Variants in SLAIN1 observed in about 807,000 individuals in gnomAD.
SLAIN1 encodes SLAIN motif-containing protein 1.
SLAIN1 carries 17 observed loss-of-function variants against 55.4 expected under a neutral mutation model. That is an observed-to-expected ratio of 0.31 (90% CI 0.21 to 0.46). The LOEUF is 0.46. Among genes scored for constraint, SLAIN1 ranks in the 20% least tolerant of loss-of-function variants. The pLI is 1.00. For missense variants in SLAIN1, 682 were observed against 785.1 expected, an observed-to-expected ratio of 0.87 and a Z score of 1.57; for synonymous variants, 348 against 337.4, an observed-to-expected ratio of 1.03 and a Z score of -0.35.
rs141028131 is a variant in SLAIN1 at position 77,755,058 on chromosome 13, T to C, written c.1414+1700T>C. Among the ~76,000 whole-genome samples, 388 of 152,278 alleles carry C rather than the reference T, an allele frequency of 2.5e-3. 1 individual carries two copies. Among genetic ancestry groups the C allele is most frequent in the African/African-American group, 9.0e-3 (373 of 41,568 alleles). ...TTAGGAGAATGGGCCAAATGTATCA[T>C]GAAGAAATTTAGCTGATAGAAATAT... On this transcript the variant is annotated intron_variant, in intron 5 of 6. Coordinates refer to ENST00000418532, the MANE Select transcript of SLAIN1 (RefSeq NM_001242868.2).
intron 2 of SLAIN1, among the ~76,000 whole-genome samples, chr13:77,740,522 C>G (rs1221758688): frequency 9.3e-6 from 1 of 107,028 alleles, no homozygotes; most frequent in African/African-American, 3.8e-5. Context: ...TCCAAGTTTG[C>G]GAACCGCCCC....
At chr13:77,732,982 G>A (rs1267386071) in intron 2 of SLAIN1, among the ~76,000 whole-genome samples, 1 of 152,166 alleles carries the variant, frequency 6.6e-6, no homozygotes, top group Non-Finnish European at 1.5e-5. Flanking sequence ...AGTGGGTTAA[G>A]ATCTGAGAAG....
At chr13:77,703,048 T>C (rs191567082) in intron 1 of SLAIN1, among the ~76,000 whole-genome samples, 22 of 152,188 alleles carry the variant, frequency 1.4e-4, no homozygotes, top group African/African-American at 5.3e-4. Flanking sequence ...GATGGTTCTA[T>C]ATGAGAAAAT....
rs1217920802 is a variant in SLAIN1 at position 77,698,851 on chromosome 13, C to T, written c.626+312C>T. On this transcript the variant is annotated intron_variant, in intron 1 of 6. Coordinates refer to ENST00000418532, the MANE Select transcript of SLAIN1 (RefSeq NM_001242868.2). The surrounding 1 kb of genome is among the most constrained non-coding windows in gnomAD (Gnocchi z 4.1). ...CCAAGCTCCTCGTTAGCATTAAGTG[C>T]AAAATCCATGTCATCTTGTCTTTTT... The T allele has an allele frequency of 4.7e-6, 7 of 1,501,216 alleles. No homozygotes were observed. The highest frequency in any genetic ancestry group is 2.5e-5 in the South Asian group (2 of 80,176). 93.0% of individuals were successfully genotyped at this position (1,501,216 alleles called of 1,614,324 possible).
intron 1 of SLAIN1, among the ~76,000 whole-genome samples, chr13:77,706,956 A>G (rs2091096096): frequency 6.6e-6 from 1 of 152,040 alleles, no homozygotes; most frequent in Admixed American, 6.6e-5. Flanking sequence ...CTTTATTCCT[A>G]GTATTCTAAA....
intron 1 of SLAIN1, among the ~76,000 whole-genome samples, chr13:77,702,707 A>G (rs1046749534): frequency 6.5e-5 from 9 of 138,660 alleles, no homozygotes; most frequent in Non-Finnish European, 1.1e-4. Flanking sequence ...AAGTGTTTAC[A>G]TCACTGATAT....
intron 2 of SLAIN1, among the ~76,000 whole-genome samples, chr13:77,729,585 C>T (rs773377186): frequency 6.6e-6 from 1 of 151,680 alleles, no homozygotes; most frequent in Non-Finnish European, 1.5e-5. Flanking sequence ...ACTTTCTAGA[C>T]TCTCTTTTCT....
chr13:77,726,460 T>G (rs1252761619), intron 2 of SLAIN1, among the ~76,000 whole-genome samples: 1 of 152,156 alleles, frequency 6.6e-6, no homozygotes, highest in Non-Finnish European at 1.5e-5. Context: ...AGGGTCTTAC[T>G]CTATTGCCTA....
intron 1 of SLAIN1, among the ~76,000 whole-genome samples, chr13:77,710,648 C>G (rs1387502127): frequency 3.3e-5 from 5 of 152,172 alleles, no homozygotes; most frequent in Non-Finnish European, 5.9e-5. Flanking sequence ...TAGTGGGAGA[C>G]TCTAACACCC....
chr13:77,727,262 A>G (rs2091315535), intron 2 of SLAIN1, among the ~76,000 whole-genome samples: 1 of 152,060 alleles, frequency 6.6e-6, no homozygotes, highest in Admixed American at 6.6e-5. Context: ...CTTTTTATTT[A>G]GTTGTTAATG....
At chr13:77,709,394 G>A (rs1025602822) in intron 1 of SLAIN1, among the ~76,000 whole-genome samples, 3 of 152,102 alleles carry the variant, frequency 2.0e-5, no homozygotes, top group African/African-American at 7.2e-5. Context: ...ACATTCAAAT[G>A]CAGGAAATAC....
At position 77,763,139 on chromosome 13, in the gene SLAIN1, T is replaced by G; in HGVS notation, c.1698-6T>G. ...CTCTCTCTCTGTTTTTCTTGTCTCT[T>G]TTTAGTTTTCTTCAGCCTCCAAAGC... On this transcript the variant is annotated splice_region_variant and splice_polypyrimidine_tract_variant and intron_variant, in intron 6 of 6. Coordinates refer to ENST00000418532, the MANE Select transcript of SLAIN1 (RefSeq NM_001242868.2). 6.2e-7 allele frequency: 1 copy of G among 1,612,864 alleles called. No homozygotes were observed. Among genetic ancestry groups the G allele is most frequent in the Non-Finnish European group, 8.5e-7 (1 of 1,178,932 alleles).
intron 5 of SLAIN1, 126 bp from the exon 6 acceptor site, chr13:77,760,679 CTCAGTGCTGTCTGGAACCTATAT>C: frequency 1.2e-6 from 1 of 806,530 alleles, no homozygotes; most frequent in Non-Finnish European, 1.9e-6. Context: ...TTTTCCATTT[CTCAGTGCTGTCTGGAACCTATAT>C]TCTGTTTTTC....
intron 1 of SLAIN1, among the ~76,000 whole-genome samples, chr13:77,706,441 C>T (rs979474660): frequency 1.3e-5 from 2 of 152,100 alleles, no homozygotes; most frequent in African/African-American, 2.4e-5. Context: ...TCCCCAAACA[C>T]GCTAAAGGAG....
chr13:77,726,255 A>G (rs769373460), intron 2 of SLAIN1, among the ~76,000 whole-genome samples: 13 of 152,186 alleles, frequency 8.5e-5, no homozygotes, highest in Admixed American at 3.3e-4. Flanking sequence ...TGTTTTTAAA[A>G]TATTGCTAAA....
rs1346122704 is a variant in SLAIN1, at chr13:77,763,214, C to T, written c.1767C>T (p.Cys589=). The T allele has an allele frequency of 6.2e-7, 1 of 1,613,324 alleles. No individual in the cohort carries two copies. The highest frequency in any genetic ancestry group is 1.3e-5 in the African/African-American group (1 of 74,914). The part of the protein sequence containing the change: ...TLRDGNWRDG[C]Y ...GGGATGGAAATTGGAGAGATGGTTG[C>T]TACTAATGCAGTTTTATGTACCCTT... Residue 589 remains cysteine (C), a synonymous_variant, in exon 7 of 7, where the codon TGC becomes TGT. Transcript: ENST00000418532.
chr13:77,723,956 C>A (rs1030454548), intron 2 of SLAIN1, among the ~76,000 whole-genome samples: 1 of 150,128 alleles, frequency 6.7e-6, no homozygotes, highest in African/African-American at 2.4e-5. Context: ...AACACATCTT[C>A]TAAACTCTAC....
intron 2 of SLAIN1, among the ~76,000 whole-genome samples, chr13:77,726,521 G>A (rs1252143131): frequency 6.6e-6 from 1 of 151,908 alleles, no homozygotes; most frequent in Non-Finnish European, 1.5e-5. Context: ...TGACCTCCCT[G>A]GGCTCAGGTG....
rs954512772 is a variant in SLAIN1, at chr13:77,752,461, G to A, written c.1259-742G>A. Among the ~76,000 whole-genome samples the A allele has an allele frequency of 6.6e-5, 10 of 151,890 alleles. No individual in the cohort carries two copies. The South Asian group carries it at 8.3e-4, about 13-fold the overall frequency. ...CCCTAAGTCTTTTTATAGAAGTTTC[G>A]TTCTCCTTTAACACATTGTATTAGT... On this transcript the variant is annotated intron_variant, in intron 4 of 6. Transcript: ENST00000418532.
Sources: allele counts gnomAD v4.1 joint callset (sites outside exome capture counted in the v4.1 genomes callset), GRCh38; gene constraint gnomAD v4.1.1; non-coding constraint Gnocchi (gnomAD v3.1); transcripts MANE v1.5; gene names NCBI Gene and HGNC (gene_info 2026-07-23, HGNC 2026-07-21).